Variants in CORO7 observed in about 807,000 individuals in gnomAD.
CORO7 encodes coronin-7.
In CORO7, 107 loss-of-function variants were observed where a neutral mutation model predicts 126.6. That is an observed-to-expected ratio of 0.85 (90% CI 0.72 to 0.99). The LOEUF is 0.99. CORO7 is among the 50% of genes least tolerant of loss of function. The pLI is 0.00. For missense variants in CORO7, 1,314 were observed against 1,255.8 expected (o/e 1.05, Z -0.70); for synonymous variants, 603 against 536.8 (o/e 1.12, Z -1.70).
intron 6 of CORO7, among the ~76,000 whole-genome samples, chr16:4,404,508 G>A (rs542187015): frequency 6.6e-6 from 1 of 152,278 alleles, no homozygotes; most frequent in South Asian, 2.1e-4. Flanking sequence ...CCTGCAGCCG[G>A]ATTCTGCTCA....
chr16:4,359,193 C>G, intron 23 of CORO7, 103 bp downstream of exon 23: 2 of 1,315,432 alleles, frequency 1.5e-6, no homozygotes, highest in Non-Finnish European at 2.0e-6. Flanking sequence ...CAGCCCAGGA[C>G]TCTGACCCCC....
At chr16:4,393,187 T>C (rs1045091666) in intron 7 of CORO7, among the ~76,000 whole-genome samples, 4 of 152,174 alleles carry the variant, frequency 2.6e-5, no homozygotes, top group African/African-American at 9.6e-5. Context: ...GCCCCAGCAG[T>C]GCCCTGGGCT....
chr16:4,381,715 C>G, intron 9 of CORO7: 1 of 1,607,238 alleles, frequency 6.2e-7, no homozygotes, highest in Non-Finnish European at 8.5e-7. Context: ...GCAGGCCCTG[C>G]CTGGCGACCT....
In CORO7 at chr16:4,364,663, G is replaced by A; in HGVS notation, c.1071C>T (p.Phe357=). The change falls in exon 13 of 28, where the codon TTC becomes TTT. Residue 357 remains phenylalanine (F), a synonymous_variant. Coordinates refer to ENST00000251166, the MANE Select transcript of CORO7 (RefSeq NM_024535.5). ...CAGGCACACAGCCGGCAGTGTCCGG[G>A]AACAGGTCCTCGTGGAACTCCACAG... The part of the protein sequence containing the change: ...RKAVEFHEDL[F]PDTAGCVPAT... The A allele has an allele frequency of 6.3e-7, 1 of 1,582,556 alleles. No individual in the cohort carries two copies. Among genetic ancestry groups the A allele is most frequent in the Non-Finnish European group, 8.6e-7 (1 of 1,165,206 alleles).
intron 16 of CORO7, 109 bp from the exon 17 acceptor site, chr16:4,361,578 G>T (rs113702243): frequency 1.5e-6 from 2 of 1,296,530 alleles, no homozygotes; most frequent in Non-Finnish European, 2.1e-6. Flanking sequence ...TGCAGCAGAG[G>T]CTCCCACCGC....
intron 6 of CORO7, among the ~76,000 whole-genome samples, chr16:4,400,834 GT>G (rs2055775893): frequency 1.4e-5 from 1 of 70,158 alleles, no homozygotes; most frequent in South Asian, 4.0e-4. Context: ...TAATAATAAT[GT>G]TTACCATTGG....
At chr16:4,393,283 T>C (rs1596320991) in intron 7 of CORO7, among the ~76,000 whole-genome samples, 2 of 152,148 alleles carry the variant, frequency 1.3e-5, no homozygotes, top group Admixed American at 6.5e-5. Context: ...GGCCCCGCTT[T>C]CTGGGCAAAG....
At chr16:4,389,031 T>C (rs564214460) in intron 7 of CORO7, among the ~76,000 whole-genome samples, 1 of 152,300 alleles carries the variant, frequency 6.6e-6, no homozygotes, top group Non-Finnish European at 1.5e-5. Context: ...AATGCCTCAT[T>C]TCTCTCGCTT....
At chr16:4,389,539 C>T (rs2055313971) in intron 7 of CORO7, among the ~76,000 whole-genome samples, 1 of 152,182 alleles carries the variant, frequency 6.6e-6, no homozygotes, top group South Asian at 2.1e-4. Flanking sequence ...CCCTCCCCAG[C>T]CCGTGGAGGC....
At chr16:4,371,864 C>G (rs2054541158) in intron 9 of CORO7, 1 of 152,150 alleles carries the variant, frequency 6.6e-6, no homozygotes, top group African/African-American at 2.4e-5. Context: ...GGAGCCCGAG[C>G]CCGGGGCGGG....
intron 21 of CORO7, 22 bp downstream of exon 21, chr16:4,360,256 A>C: frequency 6.2e-7 from 1 of 1,613,202 alleles, no homozygotes; most frequent in Non-Finnish European, 8.5e-7. Flanking sequence ...AAGCCTGGGG[A>C]TGGGGATGCC....
At chr16:4,360,718 G>A (rs2054141654) in intron 19 of CORO7, among the ~76,000 whole-genome samples, 170 bp from the exon 20 acceptor site, 1 of 99,960 alleles carries the variant, frequency 1.0e-5, no homozygotes, top group Admixed American at 1.2e-4. Context: ...TCTCCTCACT[G>A]CTGGCCCCCC....
At chr16:4,368,137 A>G (rs1201258374) in intron 9 of CORO7, among the ~76,000 whole-genome samples, 5 of 151,784 alleles carry the variant, frequency 3.3e-5, no homozygotes, top group African/African-American at 1.2e-4. Context: ...ACTGGAGGTC[A>G]GCAGTTTGAG....
chr16:4,393,567 C>T (rs74535829), intron 7 of CORO7, among the ~76,000 whole-genome samples: 1 of 152,322 alleles, frequency 6.6e-6, no homozygotes, highest in South Asian at 2.1e-4. Flanking sequence ...GACTGGGTTT[C>T]TCTCCTGAGT....
chr16:4,386,693 G>A (rs1039250263), intron 9 of CORO7, among the ~76,000 whole-genome samples: 2 of 152,214 alleles, frequency 1.3e-5, no homozygotes, highest in Non-Finnish European at 2.9e-5. Context: ...TGGCTTCAGG[G>A]AAGGTGCCGA....
intron 3 of CORO7, among the ~76,000 whole-genome samples, chr16:4,409,883 C>T (rs1236990618): frequency 2.6e-5 from 4 of 152,248 alleles, no homozygotes; most frequent in African/African-American, 9.6e-5. Context: ...ACCTCTGAGG[C>T]AGAAGGGCAC....
At chr16:4,357,803 A>T in intron 25 of CORO7, 165 bp downstream of exon 25, 2 of 1,275,566 alleles carry the variant, frequency 1.6e-6, no homozygotes, top group African/African-American at 3.0e-5. Context: ...ACAGACCACG[A>T]GCCCTGCCCT....
intron 6 of CORO7, among the ~76,000 whole-genome samples, chr16:4,398,845 G>C (rs2055697784): frequency 6.6e-6 from 1 of 151,964 alleles, no homozygotes; most frequent in Non-Finnish European, 1.5e-5. Flanking sequence ...GTGTGAGACT[G>C]TGTTCCCAGC....
At chr16:4,356,794 C>A (rs371764461) in intron 26 of CORO7, 3 of 240,356 alleles carry the variant, frequency 1.2e-5, no homozygotes, top group East Asian at 2.6e-4. Context: ...GAAAAAGACA[C>A]AAAGAAGAGA....
Sources: allele counts gnomAD v4.1 joint callset (sites outside exome capture counted in the v4.1 genomes callset), GRCh38; gene constraint gnomAD v4.1.1; transcripts MANE v1.5; gene names NCBI Gene and HGNC (gene_info 2026-07-23, HGNC 2026-07-21).